UNC79: variants seen among roughly 807,000 people sequenced by gnomAD.
UNC79 encodes protein unc-79 homolog.
UNC79 carries 37 observed loss-of-function variants against 283.1 expected under a neutral mutation model. The observed-to-expected ratio is 0.13, with a 90% confidence interval of 0.10 to 0.17. The LOEUF is 0.17. Ranked by LOEUF, UNC79 falls within the 10% of genes least tolerant of loss-of-function variation. The pLI, the probability that UNC79 is intolerant of heterozygous loss-of-function variation, is 1.00. For missense variants in UNC79, 2,272 were observed against 3,211.1 expected, an observed-to-expected ratio of 0.71 and a Z score of 7.07; for synonymous variants, 1,107 against 1,200.2, an observed-to-expected ratio of 0.92 and a Z score of 1.61.
intron 31 of UNC79, among the ~76,000 whole-genome samples, chr14:93,635,133 C>T (rs945899009): frequency 2.0e-5 from 3 of 152,146 alleles, no homozygotes; most frequent in African/African-American, 7.2e-5. Context: ...CCGCACACCC[C>T]CATGCTCATA....
chr14:93,540,856 TC>T, intron 13 of UNC79, 25 bp downstream of exon 13: 1 of 1,609,780 alleles, frequency 6.2e-7, no homozygotes, highest in Non-Finnish European at 8.5e-7. Flanking sequence ...TTAACTATTC[TC>T]CACTTTCTTA....
chr14:93,552,950 T>G (rs2061971642), intron 14 of UNC79, among the ~76,000 whole-genome samples: 1 of 152,202 alleles, frequency 6.6e-6, no homozygotes, highest in Non-Finnish European at 1.5e-5. Flanking sequence ...GAGGGCAGTT[T>G]TTCCAATGGG....
At chr14:93,578,433 A>T (rs1160158847) in intron 18 of UNC79, among the ~76,000 whole-genome samples, 1 of 152,242 alleles carries the variant, frequency 6.6e-6, no homozygotes, top group African/African-American at 2.4e-5. Flanking sequence ...AAATTAATTT[A>T]AAAAGAGAAG....
Position 93,464,113 on chromosome 14 carries a change from C to T in UNC79, c.23-3558C>T, listed in dbSNP as rs539882576. Among the ~76,000 whole-genome samples the T allele has an allele frequency of 9.2e-5, 14 of 152,250 alleles. No homozygotes were observed. In the South Asian group the frequency reaches 2.9e-3, roughly 32 times the overall value. On this transcript the variant is annotated intron_variant, in intron 1 of 48. Transcript: ENST00000555664. ...GTAGTGAGCCGAGATCGTGCCACTG[C>T]ACTCCAGCCTGGGTGACAGAGCGAG...
intron 14 of UNC79, among the ~76,000 whole-genome samples, chr14:93,569,759 T>C (rs1277945814): frequency 2.0e-5 from 3 of 152,134 alleles, no homozygotes; most frequent in Admixed American, 1.3e-4. Flanking sequence ...TAAGTTCTCC[T>C]TCTTAAGGGC....
chr14:93,384,144 G>C (rs1325676777), intron 1 of UNC79, among the ~76,000 whole-genome samples: 1 of 152,182 alleles, frequency 6.6e-6, no homozygotes, highest in African/African-American at 2.4e-5. Context: ...CTTATGAATA[G>C]TGCTGCAATA....
intron 41 of UNC79, among the ~76,000 whole-genome samples, chr14:93,682,010 G>A (rs910846857): frequency 6.6e-6 from 1 of 152,186 alleles, no homozygotes; most frequent in Non-Finnish European, 1.5e-5. Context: ...CTCACAGCAG[G>A]TTGAGAAATG....
At chr14:93,645,987 A>G (rs1175609735) in intron 34 of UNC79, among the ~76,000 whole-genome samples, 1 of 152,190 alleles carries the variant, frequency 6.6e-6, no homozygotes, top group Non-Finnish European at 1.5e-5. Context: ...TGATCCAGAC[A>G]TGTTATTCTA....
intron 14 of UNC79, among the ~76,000 whole-genome samples, chr14:93,559,844 T>A (rs2062435522): frequency 6.6e-6 from 1 of 152,152 alleles, no homozygotes. Flanking sequence ...CTGACATTCC[T>A]GTTTTCTTAT....
At chr14:93,388,686 A>G (rs2140002847) in intron 1 of UNC79, among the ~76,000 whole-genome samples, 1 of 152,334 alleles carries the variant, frequency 6.6e-6, no homozygotes, top group Non-Finnish European at 1.5e-5. Context: ...ACTTTCAAAT[A>G]AAGACCACTT....
At chr14:93,472,624 T>C (rs1419681418) in intron 2 of UNC79, among the ~76,000 whole-genome samples, 2 of 152,104 alleles carry the variant, frequency 1.3e-5, no homozygotes, top group African/African-American at 2.4e-5. Context: ...ATACAAAGCA[T>C]GTAGTCATTT....
chr14:93,707,272 A>T (rs1337625381), downstream of UNC79: 1 of 178,860 alleles, frequency 5.6e-6, no homozygotes, highest in Non-Finnish European at 1.2e-5. Flanking sequence ...GGTTTTTGAA[A>T]CCTTTGTAGT....
At chr14:93,501,756 T>C (rs1330186758) in intron 7 of UNC79, among the ~76,000 whole-genome samples, 1 of 152,204 alleles carries the variant, frequency 6.6e-6, no homozygotes, top group African/African-American at 2.4e-5. Flanking sequence ...AAATGACTAT[T>C]GTTAACATTT....
intron 1 of UNC79, among the ~76,000 whole-genome samples, chr14:93,354,008 G>T (rs2054030958): frequency 6.6e-6 from 1 of 152,136 alleles, no homozygotes; most frequent in Non-Finnish European, 1.5e-5. Flanking sequence ...GGGGGAGGAG[G>T]GAGTCACAGA....
At chr14:93,353,763 TA>T (rs2054024817) in intron 1 of UNC79, among the ~76,000 whole-genome samples, 1 of 152,204 alleles carries the variant, frequency 6.6e-6, no homozygotes, top group Non-Finnish European at 1.5e-5. Context: ...TTTGGACACT[TA>T]CTGTACACCA....
chr14:93,481,032 T>G (rs929643723), intron 4 of UNC79, among the ~76,000 whole-genome samples: 1 of 152,168 alleles, frequency 6.6e-6, no homozygotes, highest in African/African-American at 2.4e-5. Context: ...AATGAGGTAT[T>G]GCAGCTCTTC....
At chr14:93,572,764 G>A (rs751391024) in exon 16 of UNC79, 6 of 1,614,066 alleles carry the variant, frequency 3.7e-6, no homozygotes, top group Non-Finnish European at 3.4e-6. Flanking sequence ...ATTAGTTGTC[G>A]GTTTACAGGA....
intron 39 of UNC79, among the ~76,000 whole-genome samples, chr14:93,662,059 G>T (rs1395269454): frequency 6.6e-6 from 1 of 152,156 alleles, no homozygotes; most frequent in Non-Finnish European, 1.5e-5. Flanking sequence ...AACTAAAACT[G>T]ATCCTTCATG....
At chr14:93,340,476 A>G (rs1476450261) in intron 1 of UNC79, among the ~76,000 whole-genome samples, 7 of 147,670 alleles carry the variant, frequency 4.7e-5, no homozygotes, top group Non-Finnish European at 1.0e-4. Context: ...AAGGCCACCT[A>G]TGACTGGCCT....
Sources: allele counts gnomAD v4.1 joint callset (sites outside exome capture counted in the v4.1 genomes callset), GRCh38; gene constraint gnomAD v4.1.1; transcripts MANE v1.5; gene names NCBI Gene and HGNC (gene_info 2026-07-23, HGNC 2026-07-21).